KRCC1: variants seen among roughly 807,000 people sequenced by gnomAD.
KRCC1 encodes lysine-rich coiled-coil protein 1.
In KRCC1, 3 loss-of-function variants were observed where a neutral mutation model predicts 7.4. The ratio of observed to expected loss-of-function variants is 0.40; its 90% confidence interval spans 0.18 to 1.04. The LOEUF (loss-of-function observed/expected upper bound fraction) is 1.04. Ranked by LOEUF, KRCC1 falls within the 50% of genes least tolerant of loss-of-function variation. The pLI is 0.33. For synonymous variants in KRCC1, 102 were observed against 101.6 expected (o/e 1.00, Z -0.02); for missense variants, 277 against 300.9 (o/e 0.92, Z 0.59).
At chr2:88,032,271 T>C (rs1673009488) in intron 3 of KRCC1, among the ~76,000 whole-genome samples, 1 of 152,160 alleles carries the variant, frequency 6.6e-6, no homozygotes, top group Non-Finnish European at 1.5e-5. Context: ...CAACTTGCAG[T>C]CCTGCAAGCT....
chr2:88,054,329 T>C (rs1673565116), intron 1 of KRCC1, among the ~76,000 whole-genome samples: 1 of 152,224 alleles, frequency 6.6e-6, no homozygotes, highest in Admixed American at 6.5e-5. Context: ...CTGTTTGTTC[T>C]AGCCAACACC....
chr2:88,050,008 T>C (rs1673436058), intron 1 of KRCC1, among the ~76,000 whole-genome samples: 1 of 152,216 alleles, frequency 6.6e-6, no homozygotes, highest in Admixed American at 6.5e-5. Context: ...CTCCAATTGC[T>C]CTTTATTTTT....
intron 1 of KRCC1, among the ~76,000 whole-genome samples, chr2:88,053,328 C>T (rs1673538811): frequency 1.3e-5 from 2 of 152,208 alleles, no homozygotes; most frequent in African/African-American, 4.8e-5. Context: ...ACTGCTAGTA[C>T]TGTGTGAACT....
At chr2:88,029,036 C>A (rs1672942213) in intron 3 of KRCC1, among the ~76,000 whole-genome samples, 2 of 152,176 alleles carry the variant, frequency 1.3e-5, no homozygotes, top group Non-Finnish European at 2.9e-5. Flanking sequence ...AGTATCTTGA[C>A]ATTATATGCC....
Position 88,027,816 on chromosome 2 carries a change from T to C in KRCC1, c.748A>G (p.Met250Val), listed in dbSNP as rs1672902535. 1.3e-6 allele frequency: 2 copies of C among 1,595,202 alleles called. No homozygotes were observed. The highest frequency in any genetic ancestry group is 8.5e-7 in the Non-Finnish European group (1 of 1,174,938). Residue 250 changes from methionine (M) to valine (V), a missense_variant, in exon 4 of 4, where the codon ATG becomes GTG. By Grantham distance (21) the Met-to-Val change is conservative. Coordinates refer to ENST00000347055, the MANE Select transcript of KRCC1 (RefSeq NM_016618.3). ...EQGQERTEEE[M>V]LWDQSILGF Reference sequence around the variant, plus strand: ...CCAAGAATAGACTGGTCCCAAAGCATTTCCTCCTCTGTCCTTTCTTGGCCT... The same window carrying C: ...CCAAGAATAGACTGGTCCCAAAGCACTTCCTCCTCTGTCCTTTCTTGGCCT...
At position 88,044,258 on chromosome 2, in the gene KRCC1, A is replaced by G. The variant is rs1303858713; in HGVS notation, c.-290-7207T>C. Reference sequence around the variant, plus strand: ...CCATGTTTTACATATCTCTCCATTAAAAAAATGGAAACTGGCTGGGCACAG... The same window carrying G: ...CCATGTTTTACATATCTCTCCATTAGAAAAATGGAAACTGGCTGGGCACAG... On this transcript the variant is annotated intron_variant, in intron 1 of 3. Coordinates refer to ENST00000347055, the MANE Select transcript of KRCC1 (RefSeq NM_016618.3). 2.0e-5 allele frequency among the ~76,000 whole-genome samples: 3 copies of G among 152,262 alleles called. No homozygotes were observed. In the East Asian group the frequency reaches 5.8e-4, roughly 29 times the overall value.
chr2:88,045,687 T>A (rs1573083156), intron 1 of KRCC1, among the ~76,000 whole-genome samples: 1 of 152,008 alleles, frequency 6.6e-6, no homozygotes, highest in South Asian at 2.1e-4. Flanking sequence ...CATTGAATTG[T>A]ACTTTTTTTT....
At chr2:88,050,918 TACTTGC>T (rs1479137267) in intron 1 of KRCC1, among the ~76,000 whole-genome samples, 4 of 94,524 alleles carry the variant, frequency 4.2e-5, no homozygotes, top group Non-Finnish European at 8.7e-5. Context: ...ATATCTTCCT[TACTTGC>T]TTTTTTTTTT....
chr2:88,044,415 A>G (rs1224565746), intron 1 of KRCC1, among the ~76,000 whole-genome samples: 2 of 151,890 alleles, frequency 1.3e-5, no homozygotes, highest in African/African-American at 4.8e-5. Flanking sequence ...AAAAAAAAAA[A>G]AGAAAAAAGA....
chr2:88,050,960 G>A (rs1166043069), intron 1 of KRCC1, among the ~76,000 whole-genome samples: 1 of 135,998 alleles, frequency 7.4e-6, no homozygotes, highest in African/African-American at 2.9e-5. Flanking sequence ...GTCTTGCTCT[G>A]TCACCCAGGC....
intron 1 of KRCC1, among the ~76,000 whole-genome samples, chr2:88,049,771 A>T (rs1673427291): frequency 6.6e-6 from 1 of 152,252 alleles, no homozygotes; most frequent in Admixed American, 6.5e-5. Context: ...TCACTTACTG[A>T]CACCTAATAA....
At chr2:88,055,577 T>A (rs2104635878) in intron 1 of KRCC1, 49 bp downstream of exon 1, 1 of 150,358 alleles carries the variant, frequency 6.7e-6, no homozygotes, top group African/African-American at 2.4e-5. Flanking sequence ...AGCGCAGGAG[T>A]TGAGGGGCTG....
intron 1 of KRCC1, among the ~76,000 whole-genome samples, chr2:88,050,290 T>G (rs2104627673): frequency 6.6e-6 from 1 of 152,342 alleles, no homozygotes; most frequent in East Asian, 1.9e-4. Context: ...GAAATGTCCT[T>G]CACTCCAAAA....
At chr2:88,035,472 A>C (rs1296620156) in intron 2 of KRCC1, among the ~76,000 whole-genome samples, 1 of 152,170 alleles carries the variant, frequency 6.6e-6, no homozygotes, top group Non-Finnish European at 1.5e-5. Context: ...ATGAGGAAGT[A>C]AGTCAGGGCC....
chr2:88,042,462 AGG>A (rs891827902), intron 1 of KRCC1, among the ~76,000 whole-genome samples: 2 of 145,250 alleles, frequency 1.4e-5, no homozygotes, highest in African/African-American at 5.2e-5. Context: ...AGAGTCCCTG[AGG>A]CTGGAGTGCA....
At chr2:88,045,364 A>G (rs1423090934) in intron 1 of KRCC1, among the ~76,000 whole-genome samples, 1 of 152,238 alleles carries the variant, frequency 6.6e-6, no homozygotes, top group Non-Finnish European at 1.5e-5. Context: ...GCAAAATGTG[A>G]TATATACCCA....
At chr2:88,051,318 T>C (rs184817301) in intron 1 of KRCC1, among the ~76,000 whole-genome samples, 1 of 152,240 alleles carries the variant, frequency 6.6e-6, no homozygotes, top group East Asian at 1.9e-4. Flanking sequence ...GAAAATGGAT[T>C]AGCAGATGCT....
chr2:88,050,250 T>C (rs558934990), intron 1 of KRCC1, among the ~76,000 whole-genome samples: 16 of 152,340 alleles, frequency 1.1e-4, no homozygotes, highest in African/African-American at 3.8e-4. Context: ...AATTACTATG[T>C]AAATGAGTTA....
intron 1 of KRCC1, among the ~76,000 whole-genome samples, chr2:88,047,903 T>C (rs774438165): frequency 6.6e-6 from 1 of 152,204 alleles, no homozygotes; most frequent in Non-Finnish European, 1.5e-5. Flanking sequence ...AAAATTAGGA[T>C]GCTAATTTGG....
Sources: gnomAD v4.1 joint callset for allele counts (sites outside exome capture counted in the v4.1 genomes callset) on GRCh38, gnomAD v4.1.1 for gene constraint, MANE v1.5 for transcripts, NCBI Gene and HGNC (gene_info 2026-07-23, HGNC 2026-07-21) for gene names.